Variants in LANCL2 observed in about 807,000 individuals in gnomAD.
LANCL2 encodes the protein lanC-like protein 2.
LANCL2 carries 33 observed loss-of-function variants against 56.9 expected under a neutral mutation model. The ratio of observed to expected loss-of-function variants is 0.58; its 90% CI spans 0.44 to 0.78. LANCL2 has a LOEUF of 0.78. Among genes scored for constraint, LANCL2 ranks in the 30% least tolerant of loss-of-function variants. The pLI is 0.00. For missense variants in LANCL2, 562 were observed against 580.2 expected (o/e 0.97, Z 0.32); for synonymous variants, 233 against 228.2 (o/e 1.02, Z -0.19).
intron 1 of LANCL2, among the ~76,000 whole-genome samples, chr7:55,390,679 GC>G: frequency 6.6e-6 from 1 of 152,084 alleles, no homozygotes; most frequent in Non-Finnish European, 1.5e-5. Context: ...TACTCGGGAG[GC>G]TGAGGCAGAA....
intron 5 of LANCL2, among the ~76,000 whole-genome samples, chr7:55,410,655 A>T (rs1790460244): frequency 6.6e-6 from 1 of 152,240 alleles, no homozygotes; most frequent in African/African-American, 2.4e-5. Flanking sequence ...CTCAGACTTT[A>T]GCAATATGCG....
At chr7:55,395,873 A>C (rs755424015) in intron 2 of LANCL2, among the ~76,000 whole-genome samples, 2 of 152,230 alleles carry the variant, frequency 1.3e-5, no homozygotes, top group Non-Finnish European at 2.9e-5. Context: ...ATCATTGAGC[A>C]GTTTCATTGT....
Position 55,400,081 on chromosome 7 carries a change from G to A in LANCL2, c.655G>A (p.Val219Met), listed in dbSNP as rs375166275. ...YLNTEIGPGT[V>M]CESAIKEVVN... The stretch of plus-strand genomic sequence containing the variant: ...GAACACAGAGATAGGTCCAGGCACC[G>A]TGTGTGAGTCAGCTATTAAAGAGGT... The change falls in exon 4 of 9, where the codon GTG (valine) becomes ATG (methionine). Residue 219 changes from valine (V) to methionine (M), a missense_variant. Val to Met is a conservative substitution (Grantham distance 21). Around this residue, in one of 2 missense-constraint regions of LANCL2, gnomAD observed 378 missense variants for 468.4 expected, o/e 0.81. Transcript: ENST00000254770. 24 of 1,607,946 alleles carry A rather than the reference G, an allele frequency of 1.5e-5. No individual in the cohort carries two copies. The highest frequency in any genetic ancestry group is 6.7e-5 in the South Asian group (6 of 90,036).
chr7:55,383,081 AC>A (rs1790086941), intron 1 of LANCL2, among the ~76,000 whole-genome samples: 1 of 152,116 alleles, frequency 6.6e-6, no homozygotes, highest in Non-Finnish European at 1.5e-5. Flanking sequence ...ACATGGCAAA[AC>A]CCCGTCTCTA....
intron 6 of LANCL2, among the ~76,000 whole-genome samples, chr7:55,422,628 G>A (rs755277418): frequency 2.6e-5 from 4 of 152,112 alleles, no homozygotes; most frequent in Non-Finnish European, 4.4e-5. Context: ...TCTGTAATTC[G>A]GATCAGATGA....
At chr7:55,376,696 A>G (rs1362351870) in intron 1 of LANCL2, among the ~76,000 whole-genome samples, 1 of 152,222 alleles carries the variant, frequency 6.6e-6, no homozygotes. Flanking sequence ...ATACATTTAT[A>G]TATTTTCTTG....
intron 1 of LANCL2, among the ~76,000 whole-genome samples, chr7:55,366,543 A>C (rs1019733748): frequency 1.3e-5 from 2 of 151,884 alleles, no homozygotes; most frequent in African/African-American, 2.4e-5. Context: ...AGGCCCGCGG[A>C]CACCTCCCGC....
chr7:55,408,806 G>A (rs1443401378), intron 5 of LANCL2, among the ~76,000 whole-genome samples: 1 of 151,842 alleles, frequency 6.6e-6, no homozygotes, highest in Non-Finnish European at 1.5e-5. Context: ...GGGATAAAGA[G>A]ACAATGCTTA....
intron 2 of LANCL2, among the ~76,000 whole-genome samples, chr7:55,397,970 A>T (rs73698396): frequency 0.051 from 7,724 of 152,200 alleles, 662 homozygotes; most frequent in African/African-American, 0.17. Context: ...AAAAAAAAAT[A>T]GGAAGAAGGG....
intron 4 of LANCL2, 55 bp from the exon 5 acceptor site, chr7:55,401,119 C>T: frequency 6.7e-7 from 1 of 1,489,094 alleles, no homozygotes; most frequent in Non-Finnish European, 9.3e-7. Context: ...GTTAATTAGA[C>T]TACAACAGGG....
rs759332300 is a variant in LANCL2 at position 55,391,815 on chromosome 7, G to A, written c.227G>A (p.Arg76Gln). Residue 76 changes from arginine to glutamine, a missense_variant, in exon 2 of 9, where the codon CGG (arginine) becomes CAG (glutamine). Around this residue, in one of 2 missense-constraint regions of LANCL2, gnomAD observed 184 missense variants for 111.8 expected, o/e 1.65. Transcript: ENST00000254770. ...DGKIIHNFIR[R>Q]IQTKIKDLLQ... ...CAGATCATTCATAATTTCATAAGAC[G>A]GATCCAGACCAAAATTAAAGATCTT... is the stretch of plus-strand genomic sequence containing the variant. 1.2e-5 allele frequency: 19 copies of A among 1,604,506 alleles called. No homozygotes were observed. Among genetic ancestry groups the A allele is most frequent in the East Asian group, 8.9e-5 (4 of 44,776 alleles).
At chr7:55,397,547 T>A (rs1161017852) in intron 2 of LANCL2, among the ~76,000 whole-genome samples, 1 of 149,450 alleles carries the variant, frequency 6.7e-6, no homozygotes, top group Non-Finnish European at 1.5e-5. Context: ...TTGAAGAACC[T>A]CAACTTAAAC....
intron 6 of LANCL2, among the ~76,000 whole-genome samples, chr7:55,420,617 C>T (rs1046776667): frequency 6.6e-5 from 10 of 152,150 alleles, no homozygotes; most frequent in African/African-American, 2.4e-4. Flanking sequence ...CTGTAATGAC[C>T]CAGATAGTAA....
chr7:55,403,067 C>G (rs1472834634), intron 5 of LANCL2, among the ~76,000 whole-genome samples: 1 of 152,140 alleles, frequency 6.6e-6, no homozygotes, highest in Non-Finnish European at 1.5e-5. Flanking sequence ...AATCTCGGCA[C>G]TTTGGGGGGC....
intron 6 of LANCL2, among the ~76,000 whole-genome samples, chr7:55,413,274 T>TA (rs765042358): frequency 4.6e-5 from 7 of 152,366 alleles, no homozygotes; most frequent in Non-Finnish European, 1.0e-4. Context: ...ACATCTGTGA[T>TA]ACAAATGTCC....
At position 55,433,222 on chromosome 7, in the gene LANCL2, G is replaced by T. The variant is rs1446151285; in HGVS notation, c.*1902G>T. The T allele has an allele frequency of 6.6e-6, 1 of 152,354 alleles. No homozygotes were observed. Among genetic ancestry groups the T allele is most frequent in the African/African-American group, 2.4e-5 (1 of 41,456 alleles). The allele number at this position is 152,354 out of a possible 1,614,324, so 9.4% of individuals were successfully genotyped here. On this transcript the variant is annotated 3_prime_UTR_variant, in exon 9 of 9. Transcript: ENST00000254770. ...GCCACAAAGGTGGCCTAGGATGCGG[G>T]TGTCTCCCCAGGTGAGTCCATCCAC... is the stretch of plus-strand genomic sequence containing the variant.
intron 5 of LANCL2, among the ~76,000 whole-genome samples, chr7:55,410,507 A>T (rs1790458754): frequency 6.6e-6 from 1 of 152,204 alleles, no homozygotes; most frequent in African/African-American, 2.4e-5. Context: ...GTCATGTTGT[A>T]AACTTTGGTG....
At chr7:55,366,361 T>C in intron 1 of LANCL2, 132 bp downstream of exon 1, 2 of 723,436 alleles carry the variant, frequency 2.8e-6, no homozygotes. Flanking sequence ...GCCTAGCACC[T>C]GTCTCCGGGC....
intron 8 of LANCL2, among the ~76,000 whole-genome samples, chr7:55,430,948 A>G (rs1292389218): frequency 6.6e-6 from 1 of 152,262 alleles, no homozygotes; most frequent in Non-Finnish European, 1.5e-5. Context: ...CATAACTTCC[A>G]TAGCGATTCT....
Sources: allele counts gnomAD v4.1 joint callset (sites outside exome capture counted in the v4.1 genomes callset), GRCh38; gene constraint gnomAD v4.1.1; regional missense constraint gnomAD v4.1.1; transcripts MANE v1.5; gene names NCBI Gene and HGNC (gene_info 2026-07-23, HGNC 2026-07-21).